The following SNX29 variants were observed in gnomAD, a reference collection of about 807,000 sequenced individuals.
The protein encoded by SNX29 is sorting nexin-29.
A neutral mutation model predicts 102.1 loss-of-function variants in SNX29; 78 were observed. The ratio of observed to expected loss-of-function variants is 0.76; its 90% confidence interval spans 0.64 to 0.92. SNX29 has a LOEUF of 0.92. Among genes scored for constraint, SNX29 ranks in the 40% least tolerant of loss-of-function variants. The pLI is 0.00. For synonymous variants in SNX29, 580 were observed against 414.5 expected (o/e 1.40, Z -4.85); for missense variants, 1,280 against 1,061.7 (o/e 1.21, Z -2.86).
chr16:12,494,713 G>C (rs575852282), intron 19 of SNX29, among the ~76,000 whole-genome samples: 6 of 152,090 alleles, frequency 3.9e-5, no homozygotes, highest in African/African-American at 1.2e-4. Flanking sequence ...GTTCTTTTTT[G>C]TAATGAGTTT....
At chr16:12,406,375 A>C (rs1384121301) in intron 18 of SNX29, among the ~76,000 whole-genome samples, 1 of 152,222 alleles carries the variant, frequency 6.6e-6, no homozygotes, top group Non-Finnish European at 1.5e-5. Context: ...TTTGAGATTA[A>C]ACAATAAAAA....
intron 18 of SNX29, among the ~76,000 whole-genome samples, chr16:12,432,788 CA>C (rs2085366849): frequency 6.6e-6 from 1 of 152,240 alleles, no homozygotes; most frequent in African/African-American, 2.4e-5. Flanking sequence ...AATTCAATGG[CA>C]GCTCACAGAA....
chr16:12,226,698 C>T (rs549844504), intron 14 of SNX29, among the ~76,000 whole-genome samples: 3 of 151,998 alleles, frequency 2.0e-5, no homozygotes, highest in Non-Finnish European at 2.9e-5. Context: ...CTCAGCCTCC[C>T]GAGTAGCCGG....
At chr16:12,561,793 C>T (rs553586504) in intron 20 of SNX29, among the ~76,000 whole-genome samples, 1 of 152,164 alleles carries the variant, frequency 6.6e-6, no homozygotes, top group Non-Finnish European at 1.5e-5. Context: ...CACGCGTGGC[C>T]TGGCAGGGGG....
At chr16:12,089,357 C>T (rs553813466) in intron 11 of SNX29, among the ~76,000 whole-genome samples, 5 of 151,826 alleles carry the variant, frequency 3.3e-5, no homozygotes, top group African/African-American at 9.7e-5. Context: ...ATTAAAAAAA[C>T]CCAATAGAAA....
chr16:12,563,934 G>A lies in SNX29; in HGVS notation c.2319-4572G>A, dbSNP rs189307064. Among the ~76,000 whole-genome samples the A allele has an allele frequency of 3.9e-3, 596 of 152,322 alleles. 2 individuals are homozygous for A. Among genetic ancestry groups the A allele is most frequent in the African/African-American group, 0.013 (526 of 41,568 alleles). ...AGCCGAAGACCTACAATACCTAGAC[G>A]CTGATCTTGTTCAAGAAAGACGAGG... is the stretch of plus-strand genomic sequence containing the variant. On this transcript the variant is annotated intron_variant, in intron 20 of 20. Coordinates refer to ENST00000566228, the MANE Select transcript of SNX29 (RefSeq NM_032167.5).
intron 11 of SNX29, among the ~76,000 whole-genome samples, chr16:12,122,204 G>T (rs1303114414): frequency 1.3e-5 from 2 of 152,204 alleles, no homozygotes; most frequent in East Asian, 3.9e-4. Context: ...GTGGTGGAGT[G>T]ACTTGGAACT....
chr16:12,027,505 T>A (rs563814498), intron 4 of SNX29, 61 bp downstream of exon 4: 3 of 1,594,702 alleles, frequency 1.9e-6, no homozygotes, highest in South Asian at 2.2e-5. Context: ...TTTTTCTTTT[T>A]ATTTATTTTT....
At chr16:12,287,383 A>T (rs1005970010) in intron 15 of SNX29, among the ~76,000 whole-genome samples, 11 of 152,050 alleles carry the variant, frequency 7.2e-5, no homozygotes, top group Non-Finnish European at 1.0e-4. Flanking sequence ...TGTTTTTTTT[A>T]AATTTTTTTT....
At chr16:12,481,936 A>C (rs1043798422) in intron 19 of SNX29, among the ~76,000 whole-genome samples, 1 of 152,178 alleles carries the variant, frequency 6.6e-6, no homozygotes, top group Non-Finnish European at 1.5e-5. Flanking sequence ...GCTGCTGAGG[A>C]CACATCTTAG....
intron 19 of SNX29, among the ~76,000 whole-genome samples, chr16:12,490,011 G>A (rs2088462317): frequency 6.6e-6 from 1 of 152,106 alleles, no homozygotes; most frequent in Admixed American, 6.5e-5. Flanking sequence ...TCTCCATGTT[G>A]GCCAGGCTGG....
intron 16 of SNX29, among the ~76,000 whole-genome samples, chr16:12,359,753 T>A (rs1402455301): frequency 6.6e-6 from 1 of 152,214 alleles, no homozygotes; most frequent in Non-Finnish European, 1.5e-5. Flanking sequence ...CATCTTATGC[T>A]TTCATTCATA....
chr16:12,170,111 C>A (rs867170611), intron 13 of SNX29, among the ~76,000 whole-genome samples: 3 of 152,064 alleles, frequency 2.0e-5, no homozygotes, highest in Non-Finnish European at 2.9e-5. Flanking sequence ...GAGTGCTCCT[C>A]CCTTCCCCGT....
At chr16:12,557,568 G>C (rs966337656) in intron 20 of SNX29, 4 of 152,096 alleles carry the variant, frequency 2.6e-5, no homozygotes, top group Admixed American at 6.6e-5. Context: ...CACTATGTTG[G>C]CTAGGCTGAT....
chr16:12,557,722 G>A (rs958995594), intron 20 of SNX29: 1 of 152,180 alleles, frequency 6.6e-6, no homozygotes, highest in African/African-American at 2.4e-5. Flanking sequence ...CATCACCTCA[G>A]ATGCAGGAGT....
chr16:12,312,777 T>C (rs1167868953), intron 15 of SNX29, among the ~76,000 whole-genome samples: 2 of 152,042 alleles, frequency 1.3e-5, no homozygotes, highest in African/African-American at 2.4e-5. Flanking sequence ...ATATTCGTGA[T>C]GTATTATTTA....
At chr16:12,181,600 T>A (rs1004912406) in intron 13 of SNX29, among the ~76,000 whole-genome samples, 1 of 152,076 alleles carries the variant, frequency 6.6e-6, no homozygotes, top group African/African-American at 2.4e-5. Flanking sequence ...CCCCAAGATT[T>A]CTTTTCCTTT....
chr16:12,273,829 T>G (rs2079163853), intron 14 of SNX29, among the ~76,000 whole-genome samples: 1 of 152,216 alleles, frequency 6.6e-6, no homozygotes, highest in Non-Finnish European at 1.5e-5. Context: ...GTACGTGGGC[T>G]CAGGTAATCT....
At chr16:12,286,344 ATTT>A (rs569920963) in intron 15 of SNX29, among the ~76,000 whole-genome samples, 3 of 128,910 alleles carry the variant, frequency 2.3e-5, no homozygotes, top group Non-Finnish European at 1.7e-5. Context: ...ACCTCCAAGG[ATTT>A]TTTTTTTTTT....
Sources: allele counts gnomAD v4.1 joint callset (sites outside exome capture counted in the v4.1 genomes callset), GRCh38; gene constraint gnomAD v4.1.1; transcripts MANE v1.5; gene names NCBI Gene and HGNC (gene_info 2026-07-23, HGNC 2026-07-21).